CADM2: variants seen among roughly 807,000 people sequenced by gnomAD.
CADM2 encodes the protein cell adhesion molecule 2, also known as immunoglobulin superfamily member 4D.
CADM2 carries 12 observed loss-of-function variants against 49.8 expected under a neutral mutation model. The ratio of observed to expected loss-of-function variants is 0.24; its 90% CI spans 0.15 to 0.39. The LOEUF is 0.39. Among genes scored for constraint, CADM2 ranks in the 10% least tolerant of loss-of-function variants. CADM2 has a pLI of 1.00. For missense variants in CADM2, 378 were observed against 492.3 expected (o/e 0.77, Z 2.20); for synonymous variants, 214 against 175.4 (o/e 1.22, Z -1.74).
At chr3:85,580,675 T>C (rs894325208) in intron 1 of CADM2, among the ~76,000 whole-genome samples, 3 of 152,148 alleles carry the variant, frequency 2.0e-5, no homozygotes, top group African/African-American at 4.8e-5. Flanking sequence ...AGTCTTCTGA[T>C]AAATGGGAAT....
At chr3:85,329,767 T>G (rs2044862472) in intron 1 of CADM2, among the ~76,000 whole-genome samples, 1 of 152,174 alleles carries the variant, frequency 6.6e-6, no homozygotes, top group African/African-American at 2.4e-5. Flanking sequence ...TTACAACTAG[T>G]AATTTTACAA....
chr3:84,963,590 C>T (rs1295382205), intron 1 of CADM2, among the ~76,000 whole-genome samples: 4 of 151,232 alleles, frequency 2.6e-5, no homozygotes, highest in South Asian at 2.1e-4. Flanking sequence ...TGTTTTTTGC[C>T]GTGGTATATT....
intron 7 of CADM2, among the ~76,000 whole-genome samples, chr3:85,945,803 C>G (rs1402119322): frequency 2.6e-5 from 4 of 151,996 alleles, no homozygotes. Context: ...CTATTTATGA[C>G]AAAACCACAG....
intron 1 of CADM2, among the ~76,000 whole-genome samples, chr3:85,041,586 G>A (rs897978343): frequency 3.3e-5 from 5 of 152,076 alleles, no homozygotes; most frequent in African/African-American, 4.8e-5. Context: ...CAGGTACCAA[G>A]GCTCTTCTTT....
At chr3:85,149,820 C>T (rs1233694371) in intron 1 of CADM2, among the ~76,000 whole-genome samples, 1 of 152,188 alleles carries the variant, frequency 6.6e-6, no homozygotes, top group Non-Finnish European at 1.5e-5. Flanking sequence ...AAATCGTCTG[C>T]ATAAAATTAT....
chr3:85,925,524 C>A lies in CADM2; in HGVS notation c.701-10243C>A, dbSNP rs1019161076. On this transcript the variant is annotated intron_variant, in intron 6 of 9. Transcript: ENST00000383699. ...ATAAACTAAACATCTTAGAAAAACA[C>A]AATTGTACCCAGGAAAAAACGAGAA... 1.1e-4 allele frequency among the ~76,000 whole-genome samples: 16 copies of A among 152,074 alleles called. 1 individual carries two copies. The highest frequency in any genetic ancestry group is 3.9e-4 in the African/African-American group (16 of 41,418).
chr3:85,857,608 G>A (rs2075365747), intron 3 of CADM2, among the ~76,000 whole-genome samples: 2 of 152,122 alleles, frequency 1.3e-5, no homozygotes, highest in Admixed American at 1.3e-4. Context: ...CTCCCAAAGT[G>A]TTGGGTAACT....
chr3:85,194,848 G>T (rs2041301956), intron 1 of CADM2, among the ~76,000 whole-genome samples: 1 of 151,880 alleles, frequency 6.6e-6, no homozygotes, highest in African/African-American at 2.4e-5. Context: ...AGGACTACCT[G>T]CATTAGAATC....
chr3:85,036,012 A>G (rs1197858952), intron 1 of CADM2, among the ~76,000 whole-genome samples: 2 of 152,220 alleles, frequency 1.3e-5, no homozygotes, highest in African/African-American at 4.8e-5. Flanking sequence ...TATCCATTAC[A>G]TTAGCATTAA....
chr3:85,017,355 T>G (rs1269683842), intron 1 of CADM2, among the ~76,000 whole-genome samples: 2 of 152,140 alleles, frequency 1.3e-5, no homozygotes, highest in East Asian at 3.9e-4. Flanking sequence ...ACAGATTAAG[T>G]GTTGGAAGAG....
chr3:85,319,405 A>G (rs771107422), intron 1 of CADM2, among the ~76,000 whole-genome samples: 15 of 152,182 alleles, frequency 9.9e-5, no homozygotes, highest in Admixed American at 5.9e-4. Flanking sequence ...AAGAGCTAAA[A>G]CCAGAACTAC....
intron 1 of CADM2, among the ~76,000 whole-genome samples, chr3:85,220,072 C>T (rs2042012888): frequency 6.6e-6 from 1 of 151,980 alleles, no homozygotes; most frequent in South Asian, 2.1e-4. Flanking sequence ...TTAATATGTG[C>T]TCTTGTTTTC....
chr3:85,211,265 G>A (rs1021650106), intron 1 of CADM2, among the ~76,000 whole-genome samples: 1 of 151,456 alleles, frequency 6.6e-6, no homozygotes, highest in Non-Finnish European at 1.5e-5. Context: ...CTGATATTTT[G>A]TATAATTTCT....
chr3:85,889,434 G>A (rs747846954), intron 5 of CADM2, among the ~76,000 whole-genome samples: 1 of 152,094 alleles, frequency 6.6e-6, no homozygotes, highest in Non-Finnish European at 1.5e-5. Flanking sequence ...GCCCACGGGG[G>A]AGCCTGAAAA....
chr3:85,537,055 T>C (rs1230394801), intron 1 of CADM2, among the ~76,000 whole-genome samples: 1 of 152,094 alleles, frequency 6.6e-6, no homozygotes, highest in East Asian at 1.9e-4. Flanking sequence ...AAGTTTGTTA[T>C]GTAAAATATT....
intron 3 of CADM2, among the ~76,000 whole-genome samples, chr3:85,869,950 C>T (rs953566182): frequency 1.1e-4 from 17 of 152,246 alleles, no homozygotes; most frequent in East Asian, 1.9e-4. Flanking sequence ...CGTGAGCCAC[C>T]GCGCCCTGCC....
intron 1 of CADM2, among the ~76,000 whole-genome samples, chr3:85,363,105 G>A (rs906204032): frequency 1.1e-4 from 16 of 152,014 alleles, no homozygotes; most frequent in Non-Finnish European, 2.2e-4. Context: ...TGGAATCGCC[G>A]GGCTACACAG....
At chr3:85,760,519 C>T (rs1206786957) in intron 2 of CADM2, among the ~76,000 whole-genome samples, 1 of 152,114 alleles carries the variant, frequency 6.6e-6, no homozygotes, top group Non-Finnish European at 1.5e-5. Flanking sequence ...TGAACTTTAG[C>T]ACCTTAACAT....
At chr3:85,816,747 A>G (rs1017409164) in intron 3 of CADM2, among the ~76,000 whole-genome samples, 1 of 152,218 alleles carries the variant, frequency 6.6e-6, no homozygotes, top group Admixed American at 6.5e-5. Context: ...AAAAAGGACA[A>G]AAACACACAC....
Sources: allele counts gnomAD v4.1 joint callset (sites outside exome capture counted in the v4.1 genomes callset), GRCh38; gene constraint gnomAD v4.1.1; transcripts MANE v1.5; gene names NCBI Gene and HGNC (gene_info 2026-07-23, HGNC 2026-07-21).